RAN: variants seen among roughly 807,000 people sequenced by gnomAD.
RAN encodes the protein RAN, member RAS oncogene family.
Under a neutral mutation model 26.8 loss-of-function variants are expected in RAN, and 2 were observed. That is an observed-to-expected ratio of 0.07 (90% confidence interval 0.03 to 0.23). The LOEUF (loss-of-function observed/expected upper bound fraction) is 0.23. Ranked by LOEUF, RAN falls within the 10% of genes least tolerant of loss-of-function variation. RAN has a pLI of 1.00. For missense variants in RAN, 56 were observed against 264.8 expected, an observed-to-expected ratio of 0.21 and a Z score of 5.47; for synonymous variants, 132 against 95.9, an observed-to-expected ratio of 1.38 and a Z score of -2.20.
rs1051649516 is a variant in RAN, at chr12:130,877,199, C to G, written c.*1273C>G. 6.6e-6 allele frequency: 1 copy of G among 151,958 alleles called. No homozygotes were observed. Among genetic ancestry groups the G allele is most frequent in the Non-Finnish European group, 1.5e-5 (1 of 68,018 alleles). 9.4% of individuals were successfully genotyped at this position (151,958 alleles called of 1,614,324 possible). ...AATCTTGAGCTATTTTTTTCTCATA[C>G]GATTACTATAGTCCAGTTTACCAAA... On this transcript the variant is annotated 3_prime_UTR_variant, in exon 7 of 7. Coordinates refer to ENST00000543796, the MANE Select transcript of RAN (RefSeq NM_006325.5).
Position 130,873,028 on chromosome 12 carries a change from C to T in RAN, c.147C>T (p.Pro49=), listed in dbSNP as rs1356603717. 5.0e-6 allele frequency: 8 copies of T among 1,614,168 alleles called. No homozygotes were observed. Among genetic ancestry groups the T allele is most frequent in the Middle Eastern group, 3.3e-4 (2 of 6,060 alleles). The change falls in exon 4 of 7, where the codon CCC becomes CCT. Residue 49 remains proline, a synonymous_variant. Coordinates refer to ENST00000543796, the MANE Select transcript of RAN (RefSeq NM_006325.5). ...CCACCTTGGGTGTTGAGGTTCATCCCCTAGTGTTCCACACCAACAGAGGAC... is the reference window on the plus strand; with the variant it reads ...CCACCTTGGGTGTTGAGGTTCATCCTCTAGTGTTCCACACCAACAGAGGAC... ...YVATLGVEVH[P]LVFHTNRGPI...
Position 130,874,568 on chromosome 12 carries a change from T to C in RAN, c.270T>C (p.Phe90=), listed in dbSNP as rs146783236. Residue 90 remains phenylalanine, a synonymous_variant, in exon 5 of 7, where the codon TTT becomes TTC. Transcript: ENST00000543796. Reference sequence around the variant, plus strand: ...CAGCCCAGTGTGCCATCATAATGTTTGATGTAACATCGAGAGTTACTTACA... The same window carrying C: ...CAGCCCAGTGTGCCATCATAATGTTCGATGTAACATCGAGAGTTACTTACA... ...YIQAQCAIIM[F]DVTSRVTYKN... The C allele has an allele frequency of 1.1e-5, 17 of 1,595,150 alleles. No homozygotes were observed. Among genetic ancestry groups the C allele is most frequent in the Non-Finnish European group, 1.5e-5 (17 of 1,164,940 alleles).
intron 5 of RAN, 143 bp downstream of exon 5, chr12:130,874,876 G>A: frequency 1.4e-6 from 1 of 738,282 alleles, no homozygotes; most frequent in Non-Finnish European, 2.1e-6. Flanking sequence ...ATGCTGGAGT[G>A]CAGTGTCGCA....
In RAN at chr12:130,876,694, A is replaced by G. The variant is rs892794724; in HGVS notation, c.*768A>G. ...AAAAGTAATCATGTTTTAATGTAGA[A>G]CCTCAAACAGGATGGAACATCAGTG... On this transcript the variant is annotated 3_prime_UTR_variant, in exon 7 of 7. Coordinates refer to ENST00000543796, the MANE Select transcript of RAN (RefSeq NM_006325.5). 11 of 152,220 alleles carry G rather than the reference A, an allele frequency of 7.2e-5. No individual in the cohort carries two copies. The highest frequency in any genetic ancestry group is 1.5e-4 in the Non-Finnish European group (10 of 68,042). The allele number at this position is 152,220 out of a possible 1,614,324, so 9.4% of individuals were successfully genotyped here. A position where few individuals can be genotyped will look rare whatever the true frequency, so the allele number is the denominator to read the frequency against.
intron 3 of RAN, 28 bp from the exon 4 acceptor site, chr12:130,872,975 C>T (rs1440757166): frequency 1.9e-6 from 3 of 1,614,182 alleles, no homozygotes; most frequent in Non-Finnish European, 2.5e-6. Flanking sequence ...GTAAGTTCAT[C>T]CACTCAATCG....
rs1953238732 is a variant in RAN, at chr12:130,876,253, C to A, written c.*327C>A. On this transcript the variant is annotated 3_prime_UTR_variant, in exon 7 of 7. Coordinates refer to ENST00000543796, the MANE Select transcript of RAN (RefSeq NM_006325.5). Reference sequence around the variant, plus strand: ...ATTCCCATTCCTTTTCGTTTAGAATCAGAATAAAGTTGTATTTCAAATATC... The same window carrying A: ...ATTCCCATTCCTTTTCGTTTAGAATAAGAATAAAGTTGTATTTCAAATATC... The A allele has an allele frequency of 6.6e-6, 2 of 303,636 alleles. No individual in the cohort carries two copies. The highest frequency in any genetic ancestry group is 2.2e-5 in the African/African-American group (1 of 46,046). The allele number at this position is 303,636 out of a possible 1,614,324, so 18.8% of individuals were successfully genotyped here.
chr12:130,874,402 C>T (rs1176756023), intron 4 of RAN, 144 bp from the exon 5 acceptor site: 1 of 604,208 alleles, frequency 1.7e-6, no homozygotes, highest in Non-Finnish European at 2.8e-6. Context: ...TTAGAATTGA[C>T]AGAGACCTTG....
intron 4 of RAN, chr12:130,873,880 AT>A (rs998910965): frequency 4.5e-4 from 79 of 175,130 alleles, no homozygotes; most frequent in South Asian, 1.7e-3. Context: ...TATTTATTTA[AT>A]TTTTTTTTGA....
intron 4 of RAN, 72 bp downstream of exon 4, chr12:130,873,200 T>A (rs1953171649): frequency 1.3e-6 from 2 of 1,579,648 alleles, no homozygotes; most frequent in Non-Finnish European, 1.7e-6. Flanking sequence ...TTATAGAAAA[T>A]CAGGTCTGTT....
rs1457174294 is a variant in RAN at position 130,877,156 on chromosome 12, ATTC to A, written c.*1233_*1235del. The stretch of plus-strand genomic sequence containing the variant: ...TTAGGAGTTTGATCCCATCAACACT[ATTC>A]TTGTAGCAGTTAGGAATCTTGAGCT... On this transcript the variant is annotated 3_prime_UTR_variant, in exon 7 of 7. Coordinates refer to ENST00000543796, the MANE Select transcript of RAN (RefSeq NM_006325.5). 4.6e-5 allele frequency: 7 copies of A among 152,052 alleles called. No individual in the cohort carries two copies. Among genetic ancestry groups the A allele is most frequent in the African/African-American group, 1.7e-4 (7 of 41,410 alleles). 9.4% of individuals were successfully genotyped at this position (152,052 alleles called of 1,614,324 possible).
Position 130,875,876 on chromosome 12 carries a change from G to A in RAN, c.607-6G>A, listed in dbSNP as rs1016618111. ...AGTGTTAACGTTTTTCCATCTCTTC[G>A]TCTAGGTTGCTCAGACAACTGCTCT... is the stretch of plus-strand genomic sequence containing the variant. On this transcript the variant is annotated splice_region_variant and splice_polypyrimidine_tract_variant and intron_variant, in intron 6 of 6. Coordinates refer to ENST00000543796, the MANE Select transcript of RAN (RefSeq NM_006325.5). 26 of 1,613,964 alleles carry A rather than the reference G, an allele frequency of 1.6e-5. No homozygotes were observed. The highest frequency in any genetic ancestry group is 2.1e-5 in the Non-Finnish European group (25 of 1,179,996).
In RAN at chr12:130,872,611, GC is replaced by G; in HGVS notation, c.22del (p.Gln8ArgfsTer20). On this transcript the variant is annotated frameshift_variant, in exon 2 of 7. Transcript: ENST00000543796. LOFTEE classifies it high-confidence loss of function. MAAQGEPQVQFKLVLVG... is the reference protein window; with the variant it reads MAAQGEXQVQFKLVLVG... Reference sequence around the variant, plus strand: ...ACGCCGCGATGGCTGCGCAGGGAGAGCCCCAGGTCCAGTTCAAAGTAGGTAA... The same window carrying G: ...ACGCCGCGATGGCTGCGCAGGGAGAGCCCAGGTCCAGTTCAAAGTAGGTAA... The G allele has an allele frequency of 6.5e-7, 1 of 1,527,446 alleles. No homozygotes were observed. The highest frequency in any genetic ancestry group is 2.4e-5 in the Admixed American group (1 of 42,274). The allele number at this position is 1,527,446 out of a possible 1,614,324, so 94.6% of individuals were successfully genotyped here. A position where few individuals can be genotyped will look rare whatever the true frequency, so the allele number is the denominator to read the frequency against.
rs1953274422 is a variant in RAN, at chr12:130,877,676, G to A, written c.*1750G>A. On this transcript the variant is annotated 3_prime_UTR_variant, in exon 7 of 7. Coordinates refer to ENST00000543796, the MANE Select transcript of RAN (RefSeq NM_006325.5). ...AAAATATATTGCTTCTACTTTGCCT[G>A]GATTTTTTGAATCATCTCTAGTATT... The A allele has an allele frequency of 6.6e-6, 1 of 152,148 alleles. No homozygotes were observed. The highest frequency in any genetic ancestry group is 2.4e-5 in the African/African-American group (1 of 41,418). The allele number at this position is 152,148 out of a possible 1,614,324, so 9.4% of individuals were successfully genotyped here.
chr12:130,874,773 G>C lies in RAN; in HGVS notation c.435+40G>C, dbSNP rs112617676. 1.3e-3 allele frequency: 1,945 copies of C among 1,516,286 alleles called. 19 individuals carry two copies. The African/African-American group carries it at 0.024, about 19-fold the overall frequency. 93.9% of individuals were successfully genotyped at this position (1,516,286 alleles called of 1,614,324 possible). Reference sequence around the variant, plus strand: ...AACTTCCTGAGTTATTTCTCTTAGCGGAGATTATATGTAAGACCATGAAAT... The same window carrying C: ...AACTTCCTGAGTTATTTCTCTTAGCCGAGATTATATGTAAGACCATGAAAT... On this transcript the variant is annotated intron_variant, in intron 5 of 6. Transcript: ENST00000543796.
intron 5 of RAN, 83 bp downstream of exon 5, chr12:130,874,816 A>G (rs992535155): frequency 2.9e-5 from 35 of 1,188,034 alleles, no homozygotes; most frequent in Non-Finnish European, 3.9e-5. Context: ...TGTCTATTAT[A>G]TATGGAAATG....
intron 1 of RAN, 185 bp from the exon 2 acceptor site, chr12:130,872,399 C>A: frequency 5.8e-6 from 1 of 171,490 alleles, no homozygotes; most frequent in South Asian, 1.9e-4. Flanking sequence ...CCGCCGTTCC[C>A]CGGGCCCCGC....
chr12:130,872,677 A>C (rs1351042932), intron 2 of RAN, 48 bp downstream of exon 2: 1 of 1,528,684 alleles, frequency 6.5e-7, no homozygotes, highest in African/African-American at 1.4e-5. Context: ...ACCGCGTGCG[A>C]CTCGCGGGTC....
intron 5 of RAN, 139 bp from the exon 6 acceptor site, chr12:130,875,473 C>A: frequency 1.3e-6 from 1 of 775,494 alleles, no homozygotes; most frequent in Non-Finnish European, 2.0e-6. Flanking sequence ...CACCTCAGCC[C>A]CCGAAAGTGC....
intron 1 of RAN, 26 bp downstream of exon 1, chr12:130,872,152 C>T (rs1051664886): frequency 1.4e-5 from 3 of 207,652 alleles, no homozygotes; most frequent in South Asian, 4.8e-5. Flanking sequence ...GGGCCCGGCA[C>T]GGCCGGGCGG....
Sources: gnomAD v4.1 joint callset for allele counts on GRCh38, gnomAD v4.1.1 for gene constraint, MANE v1.5 for transcripts, NCBI Gene and HGNC (gene_info 2026-07-23, HGNC 2026-07-21) for gene names.